The following SLC24A3 variants were observed in gnomAD, a reference collection of about 807,000 sequenced individuals.
The protein encoded by SLC24A3 is solute carrier family 24 member 3.
A neutral mutation model predicts 75.8 loss-of-function variants in SLC24A3; 28 were observed. The ratio of observed to expected loss-of-function variants is 0.37; its 90% CI spans 0.27 to 0.51. SLC24A3 has a LOEUF of 0.51. SLC24A3 is among the 20% of genes least tolerant of loss of function. The pLI, the probability that SLC24A3 is intolerant of heterozygous loss-of-function variation, is 0.94. For synonymous variants in SLC24A3, 372 were observed against 334.1 expected, an observed-to-expected ratio of 1.11 and a Z score of -1.24; for missense variants, 663 against 847.8, an observed-to-expected ratio of 0.78 and a Z score of 2.71.
chr20:19,270,501 G>A (rs1983293994), intron 1 of SLC24A3, among the ~76,000 whole-genome samples: 1 of 152,166 alleles, frequency 6.6e-6, no homozygotes, highest in Non-Finnish European at 1.5e-5. Context: ...GCGTGGTCAG[G>A]TTCTGGTGAG....
intron 2 of SLC24A3, among the ~76,000 whole-genome samples, chr20:19,301,143 C>G (rs1600418756): frequency 1.3e-5 from 2 of 152,294 alleles, no homozygotes; most frequent in Middle Eastern, 3.4e-3. Context: ...CAGGCCTTTC[C>G]TCTCACTTTC....
chr20:19,464,263 G>T (rs1987727944), intron 2 of SLC24A3, among the ~76,000 whole-genome samples: 1 of 152,216 alleles, frequency 6.6e-6, no homozygotes, highest in Admixed American at 6.5e-5. Context: ...CGACTTCTGG[G>T]CTCTGGCTCA....
At chr20:19,611,312 A>T (rs550310586) in intron 6 of SLC24A3, among the ~76,000 whole-genome samples, 20 of 152,212 alleles carry the variant, frequency 1.3e-4, no homozygotes, top group Non-Finnish European at 2.8e-4. Context: ...GTGAAGGTCA[A>T]ATCTATCACT....
At chr20:19,279,895 T>C (rs919362284) in intron 1 of SLC24A3, among the ~76,000 whole-genome samples, 2 of 152,158 alleles carry the variant, frequency 1.3e-5, no homozygotes, top group Non-Finnish European at 2.9e-5. Context: ...CAGAACCAAG[T>C]AATATGGGTC....
intron 2 of SLC24A3, among the ~76,000 whole-genome samples, chr20:19,468,760 G>A (rs1288353367): frequency 6.6e-6 from 1 of 152,198 alleles, no homozygotes; most frequent in East Asian, 1.9e-4. Flanking sequence ...ATATGGCCCA[G>A]ATTAAGTGTA....
chr20:19,346,738 G>A (rs973166092), intron 2 of SLC24A3, among the ~76,000 whole-genome samples: 1 of 152,076 alleles, frequency 6.6e-6, no homozygotes, highest in Non-Finnish European at 1.5e-5. Context: ...ATTGGATACG[G>A]TGTACACTGC....
At chr20:19,309,632 G>A (rs937437237) in intron 2 of SLC24A3, among the ~76,000 whole-genome samples, 1 of 152,150 alleles carries the variant, frequency 6.6e-6, no homozygotes, top group Middle Eastern at 3.2e-3. Context: ...ATAACAAGAT[G>A]TTAACTTTAG....
intron 6 of SLC24A3, among the ~76,000 whole-genome samples, chr20:19,587,918 C>T (rs1039765113): frequency 2.0e-5 from 3 of 152,160 alleles, no homozygotes; most frequent in African/African-American, 7.2e-5. Flanking sequence ...GGGGTTCTCA[C>T]CTCCAAATTC....
intron 14 of SLC24A3, chr20:19,697,435 G>A (rs915988288): frequency 6.4e-6 from 1 of 155,254 alleles, no homozygotes; most frequent in African/African-American, 2.4e-5. Context: ...AGAAAATTGA[G>A]GCTTAGAGAG....
At chr20:19,258,986 A>G (rs948932758) in intron 1 of SLC24A3, among the ~76,000 whole-genome samples, 16 of 152,230 alleles carry the variant, frequency 1.1e-4, no homozygotes, top group African/African-American at 3.9e-4. Flanking sequence ...ATATTAGCAC[A>G]GGGACAAGCC....
chr20:19,261,986 T>G (rs1407364643), intron 1 of SLC24A3: 1 of 152,208 alleles, frequency 6.6e-6, no homozygotes, highest in Non-Finnish European at 1.5e-5. Context: ...GACAGTGATG[T>G]CATCAAGGAC....
At chr20:19,279,695 C>T (rs1201345618) in intron 1 of SLC24A3, among the ~76,000 whole-genome samples, 4 of 152,216 alleles carry the variant, frequency 2.6e-5, no homozygotes, top group South Asian at 2.1e-4. Context: ...GTGCCTCCCA[C>T]CCTTCCCTAT....
At chr20:19,455,834 G>A (rs941158702) in intron 2 of SLC24A3, among the ~76,000 whole-genome samples, 1 of 152,212 alleles carries the variant, frequency 6.6e-6, no homozygotes, top group African/African-American at 2.4e-5. Flanking sequence ...GAAGATGGAG[G>A]CTAAATAATT....
At chr20:19,556,473 G>A (rs1015661167) in intron 3 of SLC24A3, among the ~76,000 whole-genome samples, 14 of 151,386 alleles carry the variant, frequency 9.2e-5, no homozygotes, top group South Asian at 2.1e-4. Flanking sequence ...CATTTAATAC[G>A]TGTGGGTTTT....
chr20:19,477,327 A>G (rs1987978090), intron 2 of SLC24A3, among the ~76,000 whole-genome samples: 1 of 152,138 alleles, frequency 6.6e-6, no homozygotes, highest in South Asian at 2.1e-4. Flanking sequence ...CTCTGTTCTG[A>G]GCTTGTGTGG....
At chr20:19,396,958 T>G (rs1380082979) in intron 2 of SLC24A3, among the ~76,000 whole-genome samples, 1 of 152,204 alleles carries the variant, frequency 6.6e-6, no homozygotes, top group Non-Finnish European at 1.5e-5. Context: ...CCACGGCCTG[T>G]GTTAGTATAG....
intron 1 of SLC24A3, among the ~76,000 whole-genome samples, chr20:19,274,969 C>T (rs1233530233): frequency 1.3e-5 from 2 of 152,156 alleles, no homozygotes; most frequent in Non-Finnish European, 2.9e-5. Flanking sequence ...TTTCTTGTGC[C>T]GTTAACTGAG....
intron 15 of SLC24A3, among the ~76,000 whole-genome samples, chr20:19,704,813 T>A (rs566626701): frequency 6.6e-6 from 1 of 152,242 alleles, no homozygotes; most frequent in Non-Finnish European, 1.5e-5. Context: ...GCAGAGGTAG[T>A]GCAGAGTAAG....
intron 2 of SLC24A3, among the ~76,000 whole-genome samples, chr20:19,460,938 T>C (rs1487156266): frequency 6.6e-6 from 1 of 152,236 alleles, no homozygotes; most frequent in African/African-American, 2.4e-5. Flanking sequence ...GGAAGGGTTT[T>C]AATTTTCCTG....
Sources: allele counts gnomAD v4.1 joint callset (sites outside exome capture counted in the v4.1 genomes callset), GRCh38; gene constraint gnomAD v4.1.1; transcripts MANE v1.5; gene names NCBI Gene and HGNC (gene_info 2026-07-23, HGNC 2026-07-21).